The following MORC3 variants were observed in gnomAD, a reference collection of about 807,000 sequenced individuals.
MORC3 encodes the protein MORC family CW-type zinc finger 3.
A neutral mutation model predicts 109.1 loss-of-function variants in MORC3; 31 were observed. The ratio of observed to expected loss-of-function variants is 0.28; its 90% CI spans 0.21 to 0.38. The LOEUF (loss-of-function observed/expected upper bound fraction) is 0.38. Among genes scored for constraint, MORC3 ranks in the 10% least tolerant of loss-of-function variants. The probability of loss-of-function intolerance (pLI) is 1.00; values close to 1 mark genes in which losing one functional copy is unlikely to be tolerated. For synonymous variants in MORC3, 395 were observed against 380.7 expected (o/e 1.04, Z -0.44); for missense variants, 867 against 1,135.8 (o/e 0.76, Z 3.40).
intron 8 of MORC3, among the ~76,000 whole-genome samples, chr21:36,347,450 A>G (rs2085522088): frequency 6.6e-6 from 1 of 152,230 alleles, no homozygotes; most frequent in East Asian, 1.9e-4. Context: ...TTTCCTAGTT[A>G]AGCTCGACCT....
At chr21:36,333,239 T>G (rs1424485353) in intron 1 of MORC3, among the ~76,000 whole-genome samples, 1 of 152,212 alleles carries the variant, frequency 6.6e-6, no homozygotes, top group Non-Finnish European at 1.5e-5. Flanking sequence ...TTATTAGGCC[T>G]GATACACGTA....
At chr21:36,374,404 G>T (rs748691872) in intron 16 of MORC3, among the ~76,000 whole-genome samples, 1 of 152,032 alleles carries the variant, frequency 6.6e-6, no homozygotes, top group Non-Finnish European at 1.5e-5. Context: ...AAAAAAAGCT[G>T]CTTTAACATT....
At chr21:36,362,889 GCAAA>G (rs2085736523) in intron 13 of MORC3, among the ~76,000 whole-genome samples, 1 of 151,972 alleles carries the variant, frequency 6.6e-6, no homozygotes, top group African/African-American at 2.4e-5. Context: ...CTGAGGAAAG[GCAAA>G]CAAACTTTAA....
intron 13 of MORC3, among the ~76,000 whole-genome samples, chr21:36,363,366 A>G (rs1194705047): frequency 6.6e-6 from 1 of 152,210 alleles, no homozygotes; most frequent in Non-Finnish European, 1.5e-5. Context: ...GTGAGCCAAG[A>G]TCACACCACT....
At chr21:36,361,292 C>T (rs1452986897) in intron 12 of MORC3, among the ~76,000 whole-genome samples, 1 of 150,942 alleles carries the variant, frequency 6.6e-6, no homozygotes, top group African/African-American at 2.4e-5. Flanking sequence ...ACCTGTAACC[C>T]CAGCACTTTG....
At position 36,338,981 on chromosome 21, in the gene MORC3, T is replaced by C; in HGVS notation, c.608+60T>C. ...GTAAAGTGCACGTGCAGGGTGGTGG[T>C]GTTATATTCATCTCTCGTTACACAC... On this transcript the variant is annotated intron_variant, in intron 5 of 16. Transcript: ENST00000400485. 4 of 1,559,982 alleles carry C rather than the reference T, an allele frequency of 2.6e-6. No homozygotes were observed. The South Asian group carries it at 3.4e-5, about 13-fold the overall frequency.
At chr21:36,335,835 C>T (rs1422226478) in intron 2 of MORC3, among the ~76,000 whole-genome samples, 1 of 152,126 alleles carries the variant, frequency 6.6e-6, no homozygotes, top group East Asian at 1.9e-4. Flanking sequence ...ATGTTGCTGC[C>T]TTTTCATTTA....
intron 6 of MORC3, 132 bp from the exon 7 acceptor site, chr21:36,344,447 C>A: frequency 2.8e-6 from 3 of 1,069,538 alleles, no homozygotes; most frequent in Non-Finnish European, 3.9e-6. Context: ...TAACATACAG[C>A]TTTATAGCCT....
chr21:36,327,504 T>C (rs2085262634), intron 1 of MORC3, among the ~76,000 whole-genome samples: 1 of 151,250 alleles, frequency 6.6e-6, no homozygotes. Flanking sequence ...ATACAGTAAG[T>C]GTTCTAGTGA....
chr21:36,354,857 C>T (rs1004975521), intron 9 of MORC3, among the ~76,000 whole-genome samples: 1 of 152,202 alleles, frequency 6.6e-6, no homozygotes. Flanking sequence ...CAGTTGATTT[C>T]CTCAGGTGTG....
intron 15 of MORC3, among the ~76,000 whole-genome samples, chr21:36,370,633 ATATATATTTTTTTTTT>A (rs1264504265): frequency 6.7e-4 from 31 of 46,470 alleles, no homozygotes; most frequent in African/African-American, 1.9e-3. Flanking sequence ...ATATATATAT[ATATATATTTTTTTTTT>A]TTTTTTTTTT....
At chr21:36,328,965 A>AC (rs2085281669) in intron 1 of MORC3, among the ~76,000 whole-genome samples, 1 of 144,570 alleles carries the variant, frequency 6.9e-6, no homozygotes, top group Admixed American at 7.2e-5. Flanking sequence ...AACAACAACA[A>AC]AAAAAATCAC....
At position 36,351,675 on chromosome 21, in the gene MORC3, A is replaced by G. The variant is rs1437579688; in HGVS notation, c.1103+2267A>G. Among the ~76,000 whole-genome samples, 4 of 152,128 alleles carry G rather than the reference A, an allele frequency of 2.6e-5. No individual in the cohort carries two copies. The East Asian group carries it at 5.8e-4, about 22-fold the overall frequency. On this transcript the variant is annotated intron_variant, in intron 9 of 16. Coordinates refer to ENST00000400485, the MANE Select transcript of MORC3 (RefSeq NM_015358.3). Reference sequence around the variant, plus strand: ...TGTACCATAGTTTTTTTATTCATTTATTCGTTAATGGATGCTGACAAGGAT... The same window carrying G: ...TGTACCATAGTTTTTTTATTCATTTGTTCGTTAATGGATGCTGACAAGGAT...
rs1212168132 is a variant in MORC3, at chr21:36,337,052, A to G, written c.245+46A>G. 2.5e-6 allele frequency: 4 copies of G among 1,593,516 alleles called. No individual in the cohort carries two copies. In the East Asian group the frequency reaches 9.0e-5, roughly 36 times the overall value. On this transcript the variant is annotated intron_variant, in intron 3 of 16. Transcript: ENST00000400485. The stretch of plus-strand genomic sequence containing the variant: ...CTTCTTAAAATTGTTGCTTTTACCT[A>G]AAGGGTTTTCCATGCCATACTTACT...
In MORC3 at chr21:36,364,120, A is replaced by G. The variant is rs190839811; in HGVS notation, c.1480A>G (p.Thr494Ala). 102 of 1,614,070 alleles carry G rather than the reference A, an allele frequency of 6.3e-5. No individual in the cohort carries two copies. The East Asian group carries it at 1.4e-3, about 22-fold the overall frequency. ...RINAELLFRP[T>A]ALSTPSFSSP... is the part of the protein sequence containing the mutation. ...TAATGCTGAACTGTTGTTTCGGCCA[A>G]CTGCTCTTTCAACTCCAAGCTTTTC... The change falls in exon 14 of 17, where the codon ACT becomes GCT. Residue 494 changes from threonine to alanine, a missense_variant. Thr to Ala is a moderately conservative substitution (Grantham distance 58). Coordinates refer to ENST00000400485, the MANE Select transcript of MORC3 (RefSeq NM_015358.3).
At chr21:36,336,615 A>G (rs985408299) in intron 2 of MORC3, among the ~76,000 whole-genome samples, 3 of 152,196 alleles carry the variant, frequency 2.0e-5, no homozygotes, top group Admixed American at 6.6e-5. Flanking sequence ...TGTGCTGGGT[A>G]CCAGTCTTTG....
intron 6 of MORC3, among the ~76,000 whole-genome samples, chr21:36,342,120 C>T (rs1047031362): frequency 1.3e-5 from 2 of 151,894 alleles, no homozygotes; most frequent in Admixed American, 6.6e-5. Context: ...CCCAGCTACT[C>T]GGGAGGCTGA....
chr21:36,339,501 C>CAAAAAA lies in MORC3; in HGVS notation c.608+594_608+599dup, dbSNP rs55863855. The CAAAAAA allele has an allele frequency of 2.0e-4, 20 of 101,402 alleles. 1 individual carries two copies. Among genetic ancestry groups the CAAAAAA allele is most frequent in the South Asian group, 4.0e-4 (1 of 2,484 alleles). 6.3% of individuals were successfully genotyped at this position (101,402 alleles called of 1,614,324 possible). ...TCTCATTTATTCCACCCCGTCTTCT[C>CAAAAAA]AAAAAAAAAAAAAAAAAAAGAAAAA... On this transcript the variant is annotated intron_variant, in intron 5 of 16. Coordinates refer to ENST00000400485, the MANE Select transcript of MORC3 (RefSeq NM_015358.3).
intron 2 of MORC3, among the ~76,000 whole-genome samples, chr21:36,333,940 G>A (rs1009495542): frequency 5.9e-5 from 9 of 151,658 alleles, no homozygotes; most frequent in Middle Eastern, 6.8e-3. Context: ...CTGCCACCAC[G>A]ACCAGCTAAT....
Sources: gnomAD v4.1 joint callset for allele counts (sites outside exome capture counted in the v4.1 genomes callset) on GRCh38, gnomAD v4.1.1 for gene constraint, MANE v1.5 for transcripts, NCBI Gene and HGNC (gene_info 2026-07-23, HGNC 2026-07-21) for gene names.